Variants in MRC1 observed in about 807,000 individuals in gnomAD.
The protein encoded by MRC1 is mannose receptor C-type 1.
Under a neutral mutation model 102.9 loss-of-function variants are expected in MRC1, and 62 were observed. The observed-to-expected ratio is 0.60, with a 90% CI of 0.49 to 0.74. The LOEUF (loss-of-function observed/expected upper bound fraction) is 0.74. Ranked by LOEUF, MRC1 falls within the 30% of genes least tolerant of loss-of-function variation. The pLI, the probability that MRC1 is intolerant of heterozygous loss-of-function variation, is 0.00. For missense variants in MRC1, 1,237 were observed against 862.8 expected (o/e 1.43, Z -5.43); for synonymous variants, 457 against 298.4 (o/e 1.53, Z -5.48).
chr10:17,902,148 A>G, intron 26 of MRC1, 26 bp downstream of exon 26: 1 of 775,230 alleles, frequency 1.3e-6, no homozygotes, highest in Non-Finnish European at 2.4e-6. Flanking sequence ...CCTGAAGGAA[A>G]ACTCCATAAT....
chr10:17,810,492 G>A (rs2130564149), intron 1 of MRC1, among the ~76,000 whole-genome samples: 1 of 152,276 alleles, frequency 6.6e-6, no homozygotes, highest in African/African-American at 2.4e-5. Flanking sequence ...GTATTGAGTG[G>A]TAGTGATTAC....
intron 5 of MRC1, among the ~76,000 whole-genome samples, chr10:17,842,712 T>G (rs1399145927): frequency 6.6e-6 from 1 of 152,232 alleles, no homozygotes; most frequent in African/African-American, 2.4e-5. Flanking sequence ...TTTATACATA[T>G]TAGGCAGTCA....
In MRC1 at chr10:17,880,601, C is replaced by T. The variant is rs1833499739; in HGVS notation, c.2796C>T (p.Thr932=). The change falls in exon 20 of 30, where the codon ACC becomes ACT. Residue 932 remains threonine (T), a synonymous_variant. Transcript: ENST00000569591. ...GACATAACAGTAGTATCAATGCTAC[C>T]ACAGTTATGCCTACCATGCCCTCGG... is the stretch of plus-strand genomic sequence containing the variant. ...CQRHNSSINA[T]TVMPTMPSVP... 1.3e-6 allele frequency: 1 copy of T among 780,800 alleles called. No homozygotes were observed. Among genetic ancestry groups the T allele is most frequent in the African/African-American group, 1.7e-5 (1 of 59,234 alleles). 48.4% of individuals were successfully genotyped at this position (780,800 alleles called of 1,614,324 possible).
rs1001016977 is a variant in MRC1 at position 17,881,052 on chromosome 10, C to G, written c.2866-15C>G. The G allele has an allele frequency of 1.5e-5, 12 of 780,158 alleles. No individual in the cohort carries two copies. Among genetic ancestry groups the G allele is most frequent in the Non-Finnish European group, 2.9e-5 (12 of 417,910 alleles). 48.3% of individuals were successfully genotyped at this position (780,158 alleles called of 1,614,324 possible). ...TGCAGTTTTTCTTTTTTTCTCTGCC[C>G]CTCTTCCATCCCAGTGTTTCAAAAT... On this transcript the variant is annotated splice_polypyrimidine_tract_variant and intron_variant, in intron 20 of 29. Transcript: ENST00000569591.
chr10:17,834,828 CAGAG>C (rs1380730543), intron 4 of MRC1, among the ~76,000 whole-genome samples: 5 of 152,148 alleles, frequency 3.3e-5, no homozygotes, highest in Non-Finnish European at 7.3e-5. Flanking sequence ...CTTGGGGAAA[CAGAG>C]AGATTAGGAT....
chr10:17,816,013 G>A (rs1426397209), intron 1 of MRC1, among the ~76,000 whole-genome samples: 8 of 151,986 alleles, frequency 5.3e-5, no homozygotes, highest in East Asian at 1.9e-4. Flanking sequence ...TAGTAGAGAC[G>A]CGGTTCCACC....
intron 7 of MRC1, among the ~76,000 whole-genome samples, chr10:17,851,792 T>G (rs1363328147): frequency 6.6e-6 from 1 of 152,236 alleles, no homozygotes; most frequent in Admixed American, 6.5e-5. Flanking sequence ...GTGTCATTCA[T>G]TCTCCACGGC....
Position 17,895,350 on chromosome 10 carries a change from T to C in MRC1, c.3250+1038T>C, listed in dbSNP as rs981936710. On this transcript the variant is annotated intron_variant, in intron 23 of 29. Transcript: ENST00000569591. ...AAAGGGTAATGTTTTCTATACTTAA[T>C]TCATGAATCTGCTTTTTTTTTTTTA... Among the ~76,000 whole-genome samples, 542 of 152,204 alleles carry C rather than the reference T, an allele frequency of 3.6e-3. 5 individuals are homozygous for C. The highest frequency in any genetic ancestry group is 0.012 in the African/African-American group (508 of 41,550).
rs879188022 is a variant in MRC1 at position 17,901,447 on chromosome 10, G to T, written c.3649+494G>T. Among the ~76,000 whole-genome samples the T allele has an allele frequency of 2.6e-4, 39 of 152,314 alleles. No homozygotes were observed. In the East Asian group the frequency reaches 6.9e-3, roughly 27 times the overall value. On this transcript the variant is annotated intron_variant, in intron 25 of 29. Transcript: ENST00000569591. ...CTCACCCCTGTAATCCCAGCACTTC[G>T]GGAGGCCGAGGCGGGCAGATCACCT...
intron 26 of MRC1, among the ~76,000 whole-genome samples, 181 bp downstream of exon 26, chr10:17,902,303 T>TTTTAGAGAA (rs1321245047): frequency 1.3e-5 from 2 of 152,188 alleles, no homozygotes; most frequent in Admixed American, 6.5e-5. Flanking sequence ...TAGCCTCAAA[T>TTTTAGAGAA]TTTAGAGAAT....
chr10:17,811,239 A>G (rs931417214), intron 1 of MRC1, among the ~76,000 whole-genome samples: 2 of 152,230 alleles, frequency 1.3e-5, no homozygotes, highest in African/African-American at 4.8e-5. Context: ...GCATGTCTCA[A>G]TTCACAGTAG....
chr10:17,879,840 T>C lies in MRC1; in HGVS notation c.2719+19T>C, dbSNP rs1008201942. 5.0e-5 allele frequency: 39 copies of C among 780,758 alleles called. No individual in the cohort carries two copies. The highest frequency in any genetic ancestry group is 4.2e-4 in the African/African-American group (25 of 59,138). 48.4% of individuals were successfully genotyped at this position (780,758 alleles called of 1,614,324 possible). A position where few individuals can be genotyped will look rare whatever the true frequency, so the allele number is the denominator to read the frequency against. On this transcript the variant is annotated intron_variant, in intron 19 of 29. Transcript: ENST00000569591. ...AATTCAGGTAGGCAAGTCATGCATA[T>C]TGAATTTGCTTTGTGGCGTGGCGTG...
At chr10:17,899,591 C>T (rs1240176540) in intron 24 of MRC1, among the ~76,000 whole-genome samples, 5 of 151,898 alleles carry the variant, frequency 3.3e-5, no homozygotes, top group Admixed American at 6.6e-5. Context: ...CAATTGGCTT[C>T]GTAAATTAAA....
At chr10:17,892,826 A>G (rs1213896154) in intron 22 of MRC1, among the ~76,000 whole-genome samples, 1 of 152,038 alleles carries the variant, frequency 6.6e-6, no homozygotes, top group African/African-American at 2.4e-5. Flanking sequence ...CCTGGCCAAC[A>G]TGGTGAAACC....
intron 16 of MRC1, among the ~76,000 whole-genome samples, chr10:17,874,751 T>A (rs1833404087): frequency 2.0e-5 from 3 of 152,118 alleles, no homozygotes; most frequent in Non-Finnish European, 1.5e-5. Flanking sequence ...TCCCACTCCT[T>A]TGATGTAGAA....
intron 12 of MRC1, among the ~76,000 whole-genome samples, chr10:17,869,737 T>C (rs1199020528): frequency 6.6e-6 from 1 of 152,234 alleles, no homozygotes; most frequent in African/African-American, 2.4e-5. Flanking sequence ...TACAAGGCGG[T>C]ATTGAAGGAC....
intron 9 of MRC1, 57 bp from the exon 10 acceptor site, chr10:17,861,330 T>G: frequency 1.3e-6 from 1 of 755,862 alleles, no homozygotes; most frequent in Non-Finnish European, 2.3e-6. Context: ...TAATAATATT[T>G]TATAATATAT....
chr10:17,842,570 C>G (rs1026143202), intron 5 of MRC1, among the ~76,000 whole-genome samples: 5 of 152,012 alleles, frequency 3.3e-5, no homozygotes, highest in African/African-American at 9.7e-5. Flanking sequence ...CTTTTTTGTG[C>G]GTGAAAATTT....
At chr10:17,882,838 G>A (rs1247860447) in intron 21 of MRC1, among the ~76,000 whole-genome samples, 7 of 152,210 alleles carry the variant, frequency 4.6e-5, no homozygotes, top group Non-Finnish European at 1.0e-4. Context: ...CTACCCAGCA[G>A]AGAAACACAA....
Sources: allele counts gnomAD v4.1 joint callset (sites outside exome capture counted in the v4.1 genomes callset), GRCh38; gene constraint gnomAD v4.1.1; transcripts MANE v1.5; gene names NCBI Gene and HGNC (gene_info 2026-07-23, HGNC 2026-07-21).